Variants in CNTNAP2 observed in about 807,000 individuals in gnomAD.
The protein encoded by CNTNAP2 is contactin associated protein 2, also known as contactin-associated protein-like 2.
In CNTNAP2, 98 loss-of-function variants were observed where a neutral mutation model predicts 155.2. That is an observed-to-expected ratio of 0.63 (90% CI 0.54 to 0.75). The LOEUF is 0.75. CNTNAP2 is among the 30% of genes least tolerant of loss of function. The pLI, the probability that CNTNAP2 is intolerant of heterozygous loss-of-function variation, is 0.00. For missense variants in CNTNAP2, 1,727 were observed against 1,688.1 expected (o/e 1.02, Z -0.40); for synonymous variants, 651 against 631.2 (o/e 1.03, Z -0.47).
chr7:148,303,029 A>C (rs1797422682), intron 21 of CNTNAP2, among the ~76,000 whole-genome samples: 1 of 151,796 alleles, frequency 6.6e-6, no homozygotes, highest in Admixed American at 6.6e-5. Context: ...TGTTGGCCAT[A>C]GTTGATCCTG....
chr7:148,194,947 G>A (rs750066102), intron 18 of CNTNAP2, among the ~76,000 whole-genome samples: 1 of 152,072 alleles, frequency 6.6e-6, no homozygotes, highest in Non-Finnish European at 1.5e-5. Context: ...GGCACCCTTA[G>A]CCCAGTCAAG....
chr7:147,899,027 C>T (rs1336939906), intron 13 of CNTNAP2, among the ~76,000 whole-genome samples: 1 of 152,148 alleles, frequency 6.6e-6, no homozygotes, highest in African/African-American at 2.4e-5. Flanking sequence ...TATGACTCTG[C>T]TTATATGAGA....
At chr7:146,239,210 T>G (rs1276753577) in intron 1 of CNTNAP2, among the ~76,000 whole-genome samples, 1 of 150,950 alleles carries the variant, frequency 6.6e-6, no homozygotes, top group Non-Finnish European at 1.5e-5. Context: ...GTGGTGCCAG[T>G]GGCATTTTCC....
At chr7:147,870,827 A>G (rs1799314678) in intron 13 of CNTNAP2, among the ~76,000 whole-genome samples, 1 of 152,060 alleles carries the variant, frequency 6.6e-6, no homozygotes, top group Non-Finnish European at 1.5e-5. Flanking sequence ...TGACCCTAGG[A>G]GAGACATTGT....
chr7:146,520,427 T>C (rs761695836), intron 1 of CNTNAP2, among the ~76,000 whole-genome samples: 6 of 150,730 alleles, frequency 4.0e-5, no homozygotes, highest in Non-Finnish European at 8.9e-5. Context: ...AAGATAGTAA[T>C]AGTAGTTAAT....
intron 11 of CNTNAP2, among the ~76,000 whole-genome samples, chr7:147,508,658 G>A (rs1166416531): frequency 1.3e-5 from 2 of 152,154 alleles, no homozygotes; most frequent in East Asian, 1.9e-4. Context: ...CATGTCATGG[G>A]AGGGACCTGA....
At chr7:146,409,370 A>T (rs1325171557) in intron 1 of CNTNAP2, among the ~76,000 whole-genome samples, 1 of 152,250 alleles carries the variant, frequency 6.6e-6, no homozygotes, top group East Asian at 1.9e-4. Context: ...AATTTTAAAT[A>T]GAGTTTTAGT....
intron 3 of CNTNAP2, among the ~76,000 whole-genome samples, chr7:146,923,320 G>A (rs1796541635): frequency 6.6e-6 from 1 of 152,138 alleles, no homozygotes; most frequent in Admixed American, 6.5e-5. Context: ...TGTTTACTAT[G>A]TATGGGGCAT....
intron 1 of CNTNAP2, among the ~76,000 whole-genome samples, chr7:146,412,130 G>A (rs913370774): frequency 1.8e-4 from 28 of 152,022 alleles, no homozygotes; most frequent in Non-Finnish European, 2.2e-4. Context: ...ACCGCGCCCG[G>A]CCAACATTGT....
chr7:147,395,675 A>G lies in CNTNAP2; in HGVS notation c.1565A>G (p.Gln522Arg). The G allele has an allele frequency of 6.2e-7, 1 of 1,612,646 alleles. No individual in the cohort carries two copies. Reference protein sequence around the residue: ...VLQPSFQGCMQLIQVDDQLVN... With the variant: ...VLQPSFQGCMRLIQVDDQLVN... ...CAGCCTTCATTCCAAGGATGCATGC[A>G]GCTCATTCAAGTGGACGATCAACTT... The change falls in exon 10 of 24, where the codon CAG becomes CGG. Residue 522 changes from glutamine to arginine, a missense_variant. By Grantham distance (43) the Gln-to-Arg change is conservative. Transcript: ENST00000361727.
At chr7:147,447,382 C>A (rs1014337871) in intron 10 of CNTNAP2, among the ~76,000 whole-genome samples, 1 of 152,084 alleles carries the variant, frequency 6.6e-6, no homozygotes, top group African/African-American at 2.4e-5. Context: ...ACAGTGACTT[C>A]AATATTTAAG....
intron 10 of CNTNAP2, among the ~76,000 whole-genome samples, chr7:147,423,412 A>C (rs1266043613): frequency 6.6e-6 from 1 of 152,214 alleles, no homozygotes; most frequent in Non-Finnish European, 1.5e-5. Flanking sequence ...AATAATCTTC[A>C]TAATTATAGA....
chr7:146,717,023 A>T (rs574256043), intron 1 of CNTNAP2, among the ~76,000 whole-genome samples: 5,169 of 152,218 alleles, frequency 0.034, 127 homozygotes, highest in East Asian at 0.12. Flanking sequence ...CAACTCCAAG[A>T]TTGGTTTCTT....
intron 9 of CNTNAP2, among the ~76,000 whole-genome samples, chr7:147,306,886 G>GT (rs1215566685): frequency 6.6e-6 from 1 of 152,124 alleles, no homozygotes; most frequent in East Asian, 1.9e-4. Flanking sequence ...CTTGTAGATA[G>GT]TAATAATACT....
intron 19 of CNTNAP2, among the ~76,000 whole-genome samples, chr7:148,222,807 T>A (rs1484400651): frequency 6.6e-6 from 1 of 152,162 alleles, no homozygotes; most frequent in Non-Finnish European, 1.5e-5. Flanking sequence ...CACAAACTTT[T>A]AAGTTTGAGA....
chr7:146,791,425 G>A (rs1802672002), intron 2 of CNTNAP2, among the ~76,000 whole-genome samples: 1 of 152,142 alleles, frequency 6.6e-6, no homozygotes, highest in Non-Finnish European at 1.5e-5. Flanking sequence ...CTTTATAGTA[G>A]AATGATTTAT....
chr7:146,327,258 G>C (rs1801113203), intron 1 of CNTNAP2, among the ~76,000 whole-genome samples: 1 of 152,178 alleles, frequency 6.6e-6, no homozygotes, highest in African/African-American at 2.4e-5. Context: ...ATCTGAACTA[G>C]TCAAATAGTA....
intron 21 of CNTNAP2, among the ~76,000 whole-genome samples, chr7:148,361,173 G>A (rs10952755): frequency 0.13 from 20,302 of 152,126 alleles, 1,622 homozygotes; most frequent in South Asian, 0.27. Flanking sequence ...CTATGTTCTT[G>A]GTTTGGGTTG....
intron 1 of CNTNAP2, among the ~76,000 whole-genome samples, chr7:146,135,689 C>T (rs978327985): frequency 1.9e-4 from 29 of 152,088 alleles, no homozygotes; most frequent in Non-Finnish European, 5.9e-5. Flanking sequence ...CTTAGTAAAA[C>T]TGAATCTTAG....
Sources: allele counts gnomAD v4.1 joint callset (sites outside exome capture counted in the v4.1 genomes callset), GRCh38; gene constraint gnomAD v4.1.1; transcripts MANE v1.5; gene names NCBI Gene and HGNC (gene_info 2026-07-23, HGNC 2026-07-21).